The following ABLIM2 variants were observed in gnomAD, a reference collection of about 807,000 sequenced individuals.
The protein encoded by ABLIM2 is actin binding LIM protein family member 2.
In ABLIM2, 53 loss-of-function variants were observed where a neutral mutation model predicts 97.7. The ratio of observed to expected loss-of-function variants is 0.54; its 90% CI spans 0.44 to 0.68. The LOEUF is 0.68. Ranked by LOEUF, ABLIM2 falls within the 30% of genes least tolerant of loss-of-function variation. ABLIM2 has a pLI of 0.00. For missense variants in ABLIM2, 835 were observed against 867.2 expected, an observed-to-expected ratio of 0.96 and a Z score of 0.47; for synonymous variants, 361 against 345.8, an observed-to-expected ratio of 1.04 and a Z score of -0.49.
At chr4:8,097,313 G>T in intron 2 of ABLIM2, 31 bp from the exon 3 acceptor site, 1 of 1,548,876 alleles carries the variant, frequency 6.5e-7, no homozygotes, top group Non-Finnish European at 8.7e-7. Context: ...TGGCGTTAGC[G>T]GCAGAGGGGA....
At chr4:8,102,062 T>C (rs1293144564) in intron 2 of ABLIM2, among the ~76,000 whole-genome samples, 2 of 152,186 alleles carry the variant, frequency 1.3e-5, no homozygotes, top group Non-Finnish European at 2.9e-5. Flanking sequence ...CAGAGATCCA[T>C]GGAAACCTAC....
chr4:8,038,825 T>C (rs763053333), intron 9 of ABLIM2, among the ~76,000 whole-genome samples: 12 of 152,146 alleles, frequency 7.9e-5, no homozygotes, highest in Non-Finnish European at 1.3e-4. Flanking sequence ...CCCCTCTGCC[T>C]TCTGGGAAAT....
rs115547077 is a variant in ABLIM2, at chr4:8,009,226, C to T, written c.1424-124G>A. On this transcript the variant is annotated intron_variant, in intron 14 of 20. Transcript: ENST00000447017. Reference sequence around the variant, plus strand: ...TCAATCAAAGAGAAGGTCAGTAGTACGAGTGCCTTTCAAAGGGCAAGGAAC... The same window carrying T: ...TCAATCAAAGAGAAGGTCAGTAGTATGAGTGCCTTTCAAAGGGCAAGGAAC... 9.2e-4 allele frequency: 1,104 copies of T among 1,196,542 alleles called. 2 individuals carry two copies. Among genetic ancestry groups the T allele is most frequent in the African/African-American group, 3.1e-3 (207 of 66,670 alleles). 74.1% of individuals were successfully genotyped at this position (1,196,542 alleles called of 1,614,324 possible).
chr4:7,971,549 AG>A (rs1224075363), intron 20 of ABLIM2, among the ~76,000 whole-genome samples: 2 of 152,164 alleles, frequency 1.3e-5, no homozygotes, highest in African/African-American at 4.8e-5. Flanking sequence ...TCACATAGCC[AG>A]GAAGTGGCAG....
At chr4:8,078,135 AG>A (rs1163318543) in intron 5 of ABLIM2, among the ~76,000 whole-genome samples, 4 of 152,344 alleles carry the variant, frequency 2.6e-5, no homozygotes, top group Non-Finnish European at 5.9e-5. Flanking sequence ...CATTGGGAAC[AG>A]GGCTGGAGAA....
intron 8 of ABLIM2, among the ~76,000 whole-genome samples, chr4:8,053,733 C>G (rs184900160): frequency 2.0e-5 from 3 of 152,110 alleles, no homozygotes; most frequent in African/African-American, 7.2e-5. Flanking sequence ...AGTGACTGTT[C>G]ATGAGGGCTC....
rs995133200 is a variant in ABLIM2 at position 8,149,963 on chromosome 4, C to T, written c.10+8717G>A. ...TCCAAATGCCCCCTCCTGGCTTCCC[C>T]TCCCTTCCCCCCTTACCCTCCTCAC... On this transcript the variant is annotated intron_variant, in intron 1 of 20. Coordinates refer to ENST00000447017, the MANE Select transcript of ABLIM2 (RefSeq NM_001130083.2). The surrounding 1 kb of genome is among the most constrained non-coding windows in gnomAD (Gnocchi z 6.4). Among the ~76,000 whole-genome samples the T allele has an allele frequency of 6.6e-6, 1 of 152,106 alleles. No homozygotes were observed. Among genetic ancestry groups the T allele is most frequent in the African/African-American group, 2.4e-5 (1 of 41,430 alleles).
rs1215434937 is a variant in ABLIM2, at chr4:8,128,064, C to T, written c.11-21427G>A. 6.6e-6 allele frequency among the ~76,000 whole-genome samples: 1 copy of T among 152,214 alleles called. No homozygotes were observed. The highest frequency in any genetic ancestry group is 6.5e-5 in the Admixed American group (1 of 15,290). ...ACATGAAGGTGCCAGCAGGACCCTG[C>T]TCTTCACAGGGGTATAGGGAGCTCA... is the stretch of plus-strand genomic sequence containing the variant. On this transcript the variant is annotated intron_variant, in intron 1 of 20. Coordinates refer to ENST00000447017, the MANE Select transcript of ABLIM2 (RefSeq NM_001130083.2). This position sits in a 1 kb window ranked among gnomAD's most constrained non-coding sequence, Gnocchi z 4.9.
At chr4:7,987,506 A>T (rs1481768867) in intron 17 of ABLIM2, among the ~76,000 whole-genome samples, 1 of 152,192 alleles carries the variant, frequency 6.6e-6, no homozygotes, top group East Asian at 1.9e-4. Flanking sequence ...CCCAGTATAA[A>T]GCAAGGCAAC....
intron 3 of ABLIM2, among the ~76,000 whole-genome samples, chr4:8,093,138 C>T (rs185410116): frequency 5.9e-5 from 9 of 152,292 alleles, no homozygotes; most frequent in African/African-American, 1.9e-4. Context: ...CGTGAGCCAC[C>T]GCACCCAGTC....
chr4:8,029,391 T>G (rs1423995517), intron 11 of ABLIM2, among the ~76,000 whole-genome samples: 1 of 152,116 alleles, frequency 6.6e-6, no homozygotes, highest in African/African-American at 2.4e-5. Context: ...CCCTAGGCTG[T>G]GTGCTCCACG....
chr4:7,978,403 C>T (rs1423550045), intron 20 of ABLIM2, among the ~76,000 whole-genome samples: 1 of 152,162 alleles, frequency 6.6e-6, no homozygotes, highest in African/African-American at 2.4e-5. Context: ...GATACATTTA[C>T]AAATGTTAAC....
intron 3 of ABLIM2, among the ~76,000 whole-genome samples, chr4:8,096,583 C>A (rs1014900115): frequency 6.6e-6 from 1 of 152,254 alleles, no homozygotes; most frequent in Non-Finnish European, 1.5e-5. Context: ...TTGGAAACAA[C>A]ATTGAAAACG....
At chr4:8,077,817 G>A in intron 5 of ABLIM2, 96 bp from the exon 6 acceptor site, 1 of 1,067,396 alleles carries the variant, frequency 9.4e-7, no homozygotes, top group South Asian at 1.5e-5. Flanking sequence ...CCCTCAAAGT[G>A]GGGGAATGCC....
Position 8,019,505 on chromosome 4 carries a change from G to C in ABLIM2, c.1423+113C>G. On this transcript the variant is annotated intron_variant, in intron 14 of 20. Coordinates refer to ENST00000447017, the MANE Select transcript of ABLIM2 (RefSeq NM_001130083.2). The surrounding 1 kb of genome is among the most constrained non-coding windows in gnomAD (Gnocchi z 4.3). Reference sequence around the variant, plus strand: ...TAATAGTCAGACTGCTAAGGGCCTTGGTGGTGCCTTCACTGCATTTATCAG... The same window carrying C: ...TAATAGTCAGACTGCTAAGGGCCTTCGTGGTGCCTTCACTGCATTTATCAG... The C allele has an allele frequency of 2.0e-6, 2 of 1,014,498 alleles. No individual in the cohort carries two copies. Among genetic ancestry groups the C allele is most frequent in the Non-Finnish European group, 2.9e-6 (2 of 686,338 alleles). The allele number at this position is 1,014,498 out of a possible 1,614,324, so 62.8% of individuals were successfully genotyped here.
At chr4:8,017,197 T>C (rs9997129) in intron 14 of ABLIM2, among the ~76,000 whole-genome samples, 33,458 of 152,064 alleles carry the variant, frequency 0.22, 3,910 homozygotes, top group Admixed American at 0.3. Context: ...CAGGCCCTCA[T>C]ACAACTAGCC....
chr4:8,140,558 C>T lies in ABLIM2; in HGVS notation c.10+18122G>A, dbSNP rs373247147. ...GAGCCACACGTGGCCTCTCTTTAAC[C>T]GGCTTCAATGCCCCTTCAAAAACAA... is the stretch of plus-strand genomic sequence containing the variant. On this transcript the variant is annotated intron_variant, in intron 1 of 20. Coordinates refer to ENST00000447017, the MANE Select transcript of ABLIM2 (RefSeq NM_001130083.2). The surrounding 1 kb of genome is among the most constrained non-coding windows in gnomAD (Gnocchi z 5.9). Among the ~76,000 whole-genome samples, 3 of 152,148 alleles carry T rather than the reference C, an allele frequency of 2.0e-5. No homozygotes were observed. The highest frequency in any genetic ancestry group is 4.8e-5 in the African/African-American group (2 of 41,428).
chr4:8,008,899 T>G, intron 15 of ABLIM2, 151 bp downstream of exon 15: 1 of 805,662 alleles, frequency 1.2e-6, no homozygotes, highest in South Asian at 1.7e-5. Flanking sequence ...GGAAGGAAAC[T>G]GATGGAAGGG....
intron 1 of ABLIM2, among the ~76,000 whole-genome samples, chr4:8,151,797 G>C (rs894980357): frequency 1.3e-5 from 2 of 151,518 alleles, no homozygotes; most frequent in Non-Finnish European, 2.9e-5. Flanking sequence ...GTGTAAGCAG[G>C]GGGAGAGGCA....
Sources: allele counts gnomAD v4.1 joint callset (sites outside exome capture counted in the v4.1 genomes callset), GRCh38; gene constraint gnomAD v4.1.1; non-coding constraint Gnocchi (gnomAD v3.1); transcripts MANE v1.5; gene names NCBI Gene and HGNC (gene_info 2026-07-23, HGNC 2026-07-21).